The following WDR48 variants were observed in gnomAD, a reference collection of about 807,000 sequenced individuals.
WDR48 encodes the protein WD repeat-containing protein 48.
Under a neutral mutation model 94.0 loss-of-function variants are expected in WDR48, and 22 were observed. The ratio of observed to expected loss-of-function variants is 0.23; its 90% CI spans 0.17 to 0.33. The LOEUF (loss-of-function observed/expected upper bound fraction) is 0.33, where lower values mean the gene tolerates loss of function less well. WDR48 is among the 10% of genes least tolerant of loss of function. The pLI is 1.00. For synonymous variants in WDR48, 278 were observed against 280.5 expected, an observed-to-expected ratio of 0.99 and a Z score of 0.09; for missense variants, 541 against 813.8, an observed-to-expected ratio of 0.66 and a Z score of 4.08.
At chr3:39,079,857 C>T in intron 11 of WDR48, 49 bp downstream of exon 11, 1 of 1,101,794 alleles carries the variant, frequency 9.1e-7, no homozygotes, top group Non-Finnish European at 1.3e-6. Flanking sequence ...TGTATACCCC[C>T]TTTATTTTTT....
chr3:39,066,493 T>C, intron 3 of WDR48, 55 bp from the exon 4 acceptor site: 2 of 1,464,604 alleles, frequency 1.4e-6, no homozygotes, highest in Admixed American at 3.6e-5. Context: ...AAGATAAGTT[T>C]TCAAAGTTTT....
intron 5 of WDR48, among the ~76,000 whole-genome samples, chr3:39,068,484 A>G (rs771352165): frequency 1.6e-4 from 25 of 152,118 alleles, no homozygotes; most frequent in Non-Finnish European, 3.1e-4. Context: ...ACATTTTTTC[A>G]TATTTATGGC....
intron 6 of WDR48, 62 bp from the exon 7 acceptor site, chr3:39,069,581 T>G: frequency 7.3e-7 from 1 of 1,365,320 alleles, no homozygotes; most frequent in South Asian, 1.3e-5. Context: ...ATGAGAGTTG[T>G]CTGTTATTTA....
chr3:39,074,999 T>C (rs2125661270), intron 8 of WDR48, 49 bp downstream of exon 8: 2 of 1,570,850 alleles, frequency 1.3e-6, no homozygotes, highest in South Asian at 1.1e-5. Context: ...TTGTTACATG[T>C]GTTAGCCAAA....
At chr3:39,062,114 T>C (rs1043391017) in intron 1 of WDR48, among the ~76,000 whole-genome samples, 12 of 152,190 alleles carry the variant, frequency 7.9e-5, no homozygotes, top group Admixed American at 4.6e-4. Flanking sequence ...TAATTAGATC[T>C]CATTTGTCAA....
At chr3:39,070,947 C>G (rs920291191) in intron 7 of WDR48, among the ~76,000 whole-genome samples, 1 of 151,750 alleles carries the variant, frequency 6.6e-6, no homozygotes, top group Non-Finnish European at 1.5e-5. Context: ...GTTTTTTGTT[C>G]TTGCGATAGT....
At chr3:39,093,057 T>G (rs964892957) in intron 17 of WDR48, among the ~76,000 whole-genome samples, 2 of 152,200 alleles carry the variant, frequency 1.3e-5, no homozygotes, top group South Asian at 2.1e-4. Context: ...GAGTCTAGTT[T>G]GGGACATACA....
intron 17 of WDR48, among the ~76,000 whole-genome samples, chr3:39,092,340 C>T (rs1263790192): frequency 3.3e-5 from 5 of 151,974 alleles, no homozygotes; most frequent in Non-Finnish European, 7.4e-5. Context: ...TCTTGAAGGA[C>T]GTGGAATTTG....
At chr3:39,058,704 G>A (rs2033059832) in intron 1 of WDR48, among the ~76,000 whole-genome samples, 1 of 152,188 alleles carries the variant, frequency 6.6e-6, no homozygotes, top group African/African-American at 2.4e-5. Context: ...TATAATGGGG[G>A]CACAGGGGTG....
chr3:39,084,033 A>T, intron 11 of WDR48, 122 bp from the exon 12 acceptor site: 1 of 595,548 alleles, frequency 1.7e-6, no homozygotes. Flanking sequence ...TTCTTTTTGA[A>T]ATGTATTTTA....
At chr3:39,079,848 G>T in intron 11 of WDR48, 40 bp downstream of exon 11, 1 of 1,188,524 alleles carries the variant, frequency 8.4e-7, no homozygotes, top group Non-Finnish European at 1.2e-6. Context: ...TTGTTAGATT[G>T]TATACCCCCT....
intron 14 of WDR48, among the ~76,000 whole-genome samples, chr3:39,086,965 T>G (rs761032417): frequency 6.6e-5 from 10 of 152,118 alleles, no homozygotes; most frequent in Non-Finnish European, 1.5e-4. Flanking sequence ...CAGATGGTGC[T>G]TGGTGAGCAG....
At chr3:39,052,825 A>T (rs865829038) in intron 1 of WDR48, among the ~76,000 whole-genome samples, 40 of 152,222 alleles carry the variant, frequency 2.6e-4, no homozygotes, top group African/African-American at 8.2e-4. Flanking sequence ...GGTTACGCTT[A>T]AGAGTTACTG....
rs2034135194 is a variant in WDR48 at position 39,074,945 on chromosome 3, C to G, written c.892C>G (p.Leu298Val). The change falls in exon 8 of 19, where the codon CTC becomes GTC. Residue 298 changes from leucine (L) to valine (V), a missense_variant. Physicochemically the swap from Leu to Val is conservative, Grantham distance 32 (BLOSUM62 1). Around this residue, in one of 5 missense-constraint regions of WDR48, gnomAD observed 238 missense variants for 285.3 expected, o/e 0.83. Coordinates refer to ENST00000302313, the MANE Select transcript of WDR48 (RefSeq NM_020839.4). ...VLICEEKAPVLKMELDRSADP... is the reference protein window; with the variant it reads ...VLICEEKAPVVKMELDRSADP... ...AATTTGTGAAGAAAAAGCACCAGTT[C>G]TCAAGGTATGTCATATGTTAATATT... is the stretch of plus-strand genomic sequence containing the variant. 2 of 1,613,948 alleles carry G rather than the reference C, an allele frequency of 1.2e-6. No individual in the cohort carries two copies. The highest frequency in any genetic ancestry group is 1.1e-5 in the South Asian group (1 of 91,062).
chr3:39,063,516 C>A (rs1483750877), intron 2 of WDR48, among the ~76,000 whole-genome samples: 1 of 152,198 alleles, frequency 6.6e-6, no homozygotes, highest in Non-Finnish European at 1.5e-5. Context: ...TGTTCCCCAA[C>A]AACCTCTTGG....
intron 1 of WDR48, among the ~76,000 whole-genome samples, chr3:39,054,283 G>A (rs922925737): frequency 2.0e-5 from 3 of 152,174 alleles, no homozygotes. Context: ...GAACATTCTT[G>A]AAATTTCATC....
chr3:39,078,593 A>G (rs565360432), intron 10 of WDR48, among the ~76,000 whole-genome samples: 1 of 151,718 alleles, frequency 6.6e-6, no homozygotes, highest in East Asian at 2.0e-4. Context: ...TACTTTTTAT[A>G]TTTTTAGTAG....
intron 17 of WDR48, 101 bp from the exon 18 acceptor site, chr3:39,093,769 GTTTA>G: frequency 8.0e-7 from 1 of 1,254,288 alleles, no homozygotes; most frequent in Non-Finnish European, 1.0e-6. Flanking sequence ...ACATTTATTG[GTTTA>G]TTTTTCATCT....
Position 39,084,546 on chromosome 3 carries a change from C to G in WDR48, c.1282-99C>G, listed in dbSNP as rs1394019937. On this transcript the variant is annotated intron_variant, in intron 12 of 18. Coordinates refer to ENST00000302313, the MANE Select transcript of WDR48 (RefSeq NM_020839.4). ...CACATTTTGGTTCCTGAATTTATGA[C>G]TTAGCACTTTAGTCAAATAGTACAA... 3.7e-6 allele frequency: 4 copies of G among 1,084,166 alleles called. No homozygotes were observed. In the African/African-American group the frequency reaches 4.8e-5, roughly 13 times the overall value. The allele number at this position is 1,084,166 out of a possible 1,614,324, so 67.2% of individuals were successfully genotyped here.
Sources: allele counts gnomAD v4.1 joint callset (sites outside exome capture counted in the v4.1 genomes callset), GRCh38; gene constraint gnomAD v4.1.1; regional missense constraint gnomAD v4.1.1; transcripts MANE v1.5; gene names NCBI Gene and HGNC (gene_info 2026-07-23, HGNC 2026-07-21).